KCNK13: variants seen among roughly 807,000 people sequenced by gnomAD.
The protein encoded by KCNK13 is potassium two pore domain channel subfamily K member 13.
In KCNK13, 12 loss-of-function variants were observed where a neutral mutation model predicts 23.4. The observed-to-expected ratio is 0.51, with a 90% CI of 0.33 to 0.83. KCNK13 has a LOEUF of 0.83. Ranked by LOEUF, KCNK13 falls within the 40% of genes least tolerant of loss-of-function variation. The pLI, the probability that KCNK13 is intolerant of heterozygous loss-of-function variation, is 0.02. For synonymous variants in KCNK13, 231 were observed against 229.5 expected, an observed-to-expected ratio of 1.01 and a Z score of -0.06; for missense variants, 463 against 556.3, an observed-to-expected ratio of 0.83 and a Z score of 1.69.
intron 1 of KCNK13, among the ~76,000 whole-genome samples, chr14:90,102,420 C>A (rs1889492854): frequency 6.6e-6 from 1 of 152,184 alleles, no homozygotes; most frequent in South Asian, 2.1e-4. Context: ...AAGTAAGAAT[C>A]TTGCCTGTGC....
At chr14:90,183,787 A>G (rs1162930689) in intron 1 of KCNK13, among the ~76,000 whole-genome samples, 1 of 152,218 alleles carries the variant, frequency 6.6e-6, no homozygotes, top group Non-Finnish European at 1.5e-5. Context: ...AAGGATATCT[A>G]GCAGAGAAGG....
rs1198594926 is a variant in KCNK13 at position 90,062,060 on chromosome 14, G to C, written c.-146G>C. ...CGGCCGGGGGAGCCTCGCGGCCTGC[G>C]GGAGAGCCCGGCGGTCATGGGCGAG... On this transcript the variant is annotated 5_prime_UTR_variant, in exon 1 of 2. Coordinates refer to ENST00000282146, the MANE Select transcript of KCNK13 (RefSeq NM_022054.4). This position sits in a 1 kb window ranked among gnomAD's most constrained non-coding sequence, Gnocchi z 4.5. The C allele has an allele frequency of 2.1e-6, 1 of 469,894 alleles. No homozygotes were observed. Among genetic ancestry groups the C allele is most frequent in the African/African-American group, 2.0e-5 (1 of 49,372 alleles). 29.1% of individuals were successfully genotyped at this position (469,894 alleles called of 1,614,324 possible).
intron 1 of KCNK13, among the ~76,000 whole-genome samples, chr14:90,133,598 C>CA (rs35500723): frequency 2.2e-3 from 254 of 117,206 alleles, no homozygotes; most frequent in Admixed American, 3.0e-3. Flanking sequence ...ACAAAACAGG[C>CA]AAAAAAAAAA....
Position 90,184,837 on chromosome 14 carries a change from C to G in KCNK13, c.1061C>G (p.Ala354Gly). 6.2e-7 allele frequency: 1 copy of G among 1,613,762 alleles called. No homozygotes were observed. The highest frequency in any genetic ancestry group is 1.1e-5 in the South Asian group (1 of 91,062). Residue 354 changes from alanine to glycine, a missense_variant, in exon 2 of 2, where the codon GCA (alanine) becomes GGA (glycine). By Grantham distance (60) the Ala-to-Gly change is moderately conservative. This residue lies in a region of KCNK13 where 166 missense variants were observed against 178.8 expected (regional missense o/e 0.93). Coordinates refer to ENST00000282146, the MANE Select transcript of KCNK13 (RefSeq NM_022054.4). The surrounding 1 kb of genome is among the most constrained non-coding windows in gnomAD (Gnocchi z 5.6). Reference protein sequence around the residue: ...GEMISMKDLLAANKASLAILQ... With the variant: ...GEMISMKDLLGANKASLAILQ... ...ATGATCTCCATGAAGGACTTGCTGG[C>G]AGCCAACAAGGCCTCGTTGGCCATC...
intron 1 of KCNK13, among the ~76,000 whole-genome samples, chr14:90,073,070 C>T (rs902095347): frequency 6.6e-6 from 1 of 152,166 alleles, no homozygotes; most frequent in African/African-American, 2.4e-5. Context: ...TCCCTTCAAA[C>T]CTTACACTCT....
intron 1 of KCNK13, among the ~76,000 whole-genome samples, chr14:90,069,984 A>T (rs370079152): frequency 1.8e-4 from 27 of 152,032 alleles, no homozygotes; most frequent in South Asian, 8.3e-4. Flanking sequence ...GGAAAGTATA[A>T]AAAAAAAGTA....
At chr14:90,087,147 TATATATA>T (rs150372527) in intron 1 of KCNK13, among the ~76,000 whole-genome samples, 3 of 119,948 alleles carry the variant, frequency 2.5e-5, no homozygotes, top group African/African-American at 1.0e-4. Flanking sequence ...TATATATATA[TATATATA>T]TTTTTTTTTT....
At chr14:90,174,435 T>G (rs1184434732) in intron 1 of KCNK13, among the ~76,000 whole-genome samples, 2 of 152,218 alleles carry the variant, frequency 1.3e-5, no homozygotes, top group Admixed American at 1.3e-4. Context: ...AGGTCCCTCC[T>G]TTGACACGTG....
intron 1 of KCNK13, among the ~76,000 whole-genome samples, chr14:90,152,931 G>A (rs1436557700): frequency 1.3e-5 from 2 of 152,174 alleles, no homozygotes; most frequent in African/African-American, 4.8e-5. Flanking sequence ...CTGCATTGTA[G>A]TAAGGGCCTG....
At chr14:90,133,846 C>T (rs1489832744) in intron 1 of KCNK13, among the ~76,000 whole-genome samples, 2 of 152,210 alleles carry the variant, frequency 1.3e-5, no homozygotes, top group Non-Finnish European at 2.9e-5. Flanking sequence ...ATCCAAAAAA[C>T]AGCTCCTCTA....
chr14:90,167,239 C>T (rs571161202), intron 1 of KCNK13, among the ~76,000 whole-genome samples: 1 of 152,280 alleles, frequency 6.6e-6, no homozygotes, highest in East Asian at 1.9e-4. Flanking sequence ...GCTTAGGGAC[C>T]TAGAGAGGTT....
intron 1 of KCNK13, among the ~76,000 whole-genome samples, chr14:90,182,324 G>A (rs1437184362): frequency 6.6e-6 from 1 of 152,184 alleles, no homozygotes; most frequent in Admixed American, 6.5e-5. Context: ...CAGACCAGCA[G>A]GTCATAACCC....
intron 1 of KCNK13, among the ~76,000 whole-genome samples, chr14:90,127,973 A>G (rs1596789913): frequency 6.6e-6 from 1 of 152,156 alleles, no homozygotes; most frequent in East Asian, 1.9e-4. Flanking sequence ...CCCAGGTTGA[A>G]GGCAAACCTG....
intron 1 of KCNK13, among the ~76,000 whole-genome samples, chr14:90,141,289 A>G (rs1890002213): frequency 6.6e-6 from 1 of 152,238 alleles, no homozygotes; most frequent in Admixed American, 6.5e-5. Context: ...TATTTCTTGC[A>G]GCTTTCTTGA....
At chr14:90,094,154 C>T (rs528935092) in intron 1 of KCNK13, among the ~76,000 whole-genome samples, 97 of 152,260 alleles carry the variant, frequency 6.4e-4, no homozygotes, top group African/African-American at 2.3e-3. Context: ...ACAAGGCTGG[C>T]ATGCCATAGG....
intron 1 of KCNK13, among the ~76,000 whole-genome samples, chr14:90,103,869 G>A (rs1889510851): frequency 6.6e-6 from 1 of 152,074 alleles, no homozygotes; most frequent in Admixed American, 6.6e-5. Flanking sequence ...GGCCCAGACA[G>A]TTTTTTGTTG....
intron 1 of KCNK13, among the ~76,000 whole-genome samples, chr14:90,076,812 A>T (rs1268071092): frequency 3.3e-5 from 5 of 151,690 alleles, no homozygotes; most frequent in East Asian, 3.8e-4. Context: ...TCTGGAGATT[A>T]AAAAAAAATT....
intron 1 of KCNK13, among the ~76,000 whole-genome samples, chr14:90,065,799 G>A (rs568478166): frequency 1.5e-4 from 23 of 152,344 alleles, no homozygotes; most frequent in Non-Finnish European, 2.8e-4. Flanking sequence ...AATGAGGCCA[G>A]TGTGCCAGGA....
chr14:90,157,452 G>C (rs1221055282), intron 1 of KCNK13, among the ~76,000 whole-genome samples: 1 of 150,158 alleles, frequency 6.7e-6, no homozygotes, highest in Non-Finnish European at 1.5e-5. Context: ...CTGGAGTGCA[G>C]TGGTGCAGTC....
Sources: gnomAD v4.1 joint callset for allele counts (sites outside exome capture counted in the v4.1 genomes callset) on GRCh38, gnomAD v4.1.1 for gene constraint, gnomAD v4.1.1 regional missense constraint, Gnocchi (gnomAD v3.1) non-coding constraint, MANE v1.5 for transcripts, NCBI Gene and HGNC (gene_info 2026-07-23, HGNC 2026-07-21) for gene names.